NKAIN2: variants seen among roughly 807,000 people sequenced by gnomAD.
NKAIN2 encodes the protein sodium/potassium transporting ATPase interacting 2.
A neutral mutation model predicts 32.6 loss-of-function variants in NKAIN2; 14 were observed. That is an observed-to-expected ratio of 0.43 (90% CI 0.28 to 0.67). The LOEUF is 0.67. Ranked by LOEUF, NKAIN2 falls within the 30% of genes least tolerant of loss-of-function variation. The probability of loss-of-function intolerance (pLI) is 0.17; values close to 1 mark genes in which losing one functional copy is unlikely to be tolerated. For synonymous variants in NKAIN2, 80 were observed against 87.2 expected, an observed-to-expected ratio of 0.92 and a Z score of 0.46; for missense variants, 198 against 258.3, an observed-to-expected ratio of 0.77 and a Z score of 1.60.
At chr6:124,756,098 CCTGT>C (rs1777953558) in intron 4 of NKAIN2, among the ~76,000 whole-genome samples, 3 of 152,010 alleles carry the variant, frequency 2.0e-5, no homozygotes, top group East Asian at 1.9e-4. Context: ...CTCATTTATG[CCTGT>C]CTTTCAGCAT....
At chr6:124,410,009 A>G (rs1774081370) in intron 3 of NKAIN2, among the ~76,000 whole-genome samples, 1 of 152,112 alleles carries the variant, frequency 6.6e-6, no homozygotes, top group South Asian at 2.1e-4. Context: ...CTCTGATGGT[A>G]GTTTGTATTT....
intron 3 of NKAIN2, among the ~76,000 whole-genome samples, chr6:124,629,748 C>A (rs556795568): frequency 6.6e-6 from 1 of 152,080 alleles, no homozygotes; most frequent in East Asian, 1.9e-4. Context: ...CAAAAAGAAA[C>A]GTTAAACCAA....
intron 1 of NKAIN2, among the ~76,000 whole-genome samples, chr6:123,982,649 T>C (rs1283620634): frequency 6.6e-6 from 1 of 152,110 alleles, no homozygotes; most frequent in Admixed American, 6.6e-5. Context: ...TATTTATAAA[T>C]AATGAGAGGC....
intron 1 of NKAIN2, among the ~76,000 whole-genome samples, chr6:123,942,986 C>T (rs1042671484): frequency 2.6e-5 from 4 of 151,962 alleles, no homozygotes; most frequent in African/African-American, 7.2e-5. Context: ...TCTCTTAAAG[C>T]AGTCAGTTTA....
intron 4 of NKAIN2, among the ~76,000 whole-genome samples, chr6:124,708,534 G>C (rs1775234137): frequency 6.6e-6 from 1 of 152,010 alleles, no homozygotes; most frequent in African/African-American, 2.4e-5. Context: ...GTGGTTTGTA[G>C]TTCTCCTTGA....
chr6:124,647,543 A>G (rs1453473774), intron 3 of NKAIN2, among the ~76,000 whole-genome samples: 2 of 148,908 alleles, frequency 1.3e-5, no homozygotes, highest in African/African-American at 4.9e-5. Flanking sequence ...ATATAGCCTA[A>G]GGATTAATGA....
At chr6:124,679,382 G>A (rs1773513735) in intron 4 of NKAIN2, among the ~76,000 whole-genome samples, 1 of 152,098 alleles carries the variant, frequency 6.6e-6, no homozygotes, top group South Asian at 2.1e-4. Flanking sequence ...AGTGCCTTGG[G>A]CAGCCCTCCA....
intron 3 of NKAIN2, among the ~76,000 whole-genome samples, chr6:124,536,713 T>G (rs17051952): frequency 0.018 from 2,767 of 152,266 alleles, 171 homozygotes; most frequent in East Asian, 0.17. Flanking sequence ...TTACAGATGA[T>G]CAGAACCTCT....
intron 3 of NKAIN2, among the ~76,000 whole-genome samples, chr6:124,366,368 A>T (rs1388919915): frequency 3.3e-5 from 5 of 152,122 alleles, no homozygotes; most frequent in African/African-American, 1.2e-4. Context: ...TTCTTTGGAG[A>T]CCACAACTTG....
intron 4 of NKAIN2, among the ~76,000 whole-genome samples, chr6:124,730,762 A>G (rs1325156986): frequency 4.6e-5 from 7 of 152,106 alleles, no homozygotes; most frequent in African/African-American, 1.7e-4. Flanking sequence ...CTACCATCAG[A>G]GTGAACAGGC....
At chr6:124,764,950 C>A (rs919458392) in intron 4 of NKAIN2, among the ~76,000 whole-genome samples, 1 of 152,084 alleles carries the variant, frequency 6.6e-6, no homozygotes, top group African/African-American at 2.4e-5. Flanking sequence ...CAAAAGGATG[C>A]CTAAATGCTT....
At chr6:124,018,599 C>G (rs1780706244) in intron 1 of NKAIN2, among the ~76,000 whole-genome samples, 1 of 152,126 alleles carries the variant, frequency 6.6e-6, no homozygotes, top group Non-Finnish European at 1.5e-5. Context: ...GAAATTCCCC[C>G]AGTCTCTTTG....
chr6:124,362,776 A>G (rs541483187), intron 3 of NKAIN2, among the ~76,000 whole-genome samples: 3 of 152,298 alleles, frequency 2.0e-5, no homozygotes, highest in South Asian at 4.1e-4. Context: ...TAAGAGAAGA[A>G]AAAAGAGATA....
At chr6:124,322,560 C>T (rs1033177653) in intron 2 of NKAIN2, among the ~76,000 whole-genome samples, 2 of 152,150 alleles carry the variant, frequency 1.3e-5, no homozygotes, top group South Asian at 2.1e-4. Flanking sequence ...ATCCTTTAAA[C>T]TCTAGCAATC....
chr6:123,867,979 C>G (rs757778737), intron 1 of NKAIN2, among the ~76,000 whole-genome samples: 2 of 151,878 alleles, frequency 1.3e-5, no homozygotes, highest in Non-Finnish European at 2.9e-5. Flanking sequence ...TGCCATTCTC[C>G]TGCCTCAGCC....
At chr6:124,010,436 CATA>C (rs1780272387) in intron 1 of NKAIN2, among the ~76,000 whole-genome samples, 1 of 151,296 alleles carries the variant, frequency 6.6e-6, no homozygotes, top group African/African-American at 2.4e-5. Flanking sequence ...TTGTAGATAA[CATA>C]ATAATTTTGT....
intron 1 of NKAIN2, among the ~76,000 whole-genome samples, chr6:123,906,757 T>A (rs1312851920): frequency 3.3e-5 from 5 of 152,206 alleles, no homozygotes; most frequent in Non-Finnish European, 7.3e-5. Context: ...TGGGTTACTA[T>A]GGAAAATTTT....
chr6:124,575,722 A>T (rs912733650), intron 3 of NKAIN2, among the ~76,000 whole-genome samples: 1 of 152,056 alleles, frequency 6.6e-6, no homozygotes, highest in South Asian at 2.1e-4. Context: ...ATTTTTTTTC[A>T]TGGACTCAAG....
At chr6:124,303,409 C>A (rs1037641946) in intron 2 of NKAIN2, among the ~76,000 whole-genome samples, 4 of 152,152 alleles carry the variant, frequency 2.6e-5, no homozygotes, top group Non-Finnish European at 5.9e-5. Flanking sequence ...TGTTACTCTT[C>A]AGAACCAAGG....
Sources: allele counts gnomAD v4.1 joint callset (sites outside exome capture counted in the v4.1 genomes callset), GRCh38; gene constraint gnomAD v4.1.1; transcripts MANE v1.5; gene names NCBI Gene and HGNC (gene_info 2026-07-23, HGNC 2026-07-21).